Variants in NAALADL2 observed in about 807,000 individuals in gnomAD.
NAALADL2 encodes N-acetylated alpha-linked acidic dipeptidase like 2.
Under a neutral mutation model 87.2 loss-of-function variants are expected in NAALADL2, and 76 were observed. The observed-to-expected ratio is 0.87, with a 90% confidence interval of 0.72 to 1.05. The LOEUF is 1.05. NAALADL2 is among the 50% of genes least tolerant of loss of function. The pLI is 0.00. For synonymous variants in NAALADL2, 354 were observed against 331.0 expected (o/e 1.07, Z -0.75); for missense variants, 1,089 against 945.8 (o/e 1.15, Z -1.99).
intron 1 of NAALADL2, among the ~76,000 whole-genome samples, chr3:174,865,339 C>G (rs1283762400): frequency 6.6e-6 from 1 of 151,910 alleles, no homozygotes; most frequent in Non-Finnish European, 1.5e-5. Flanking sequence ...TCAACTTTAC[C>G]GTGTGACTTG....
At chr3:175,601,699 G>A (rs552826542) in intron 10 of NAALADL2, among the ~76,000 whole-genome samples, 1 of 152,256 alleles carries the variant, frequency 6.6e-6, no homozygotes, top group South Asian at 2.1e-4. Flanking sequence ...CACCCACACA[G>A]TAGCTGACCC....
intron 2 of NAALADL2, among the ~76,000 whole-genome samples, chr3:174,696,520 ATTACC>A (rs1374037894): frequency 1.3e-5 from 2 of 149,866 alleles, no homozygotes; most frequent in Non-Finnish European, 3.0e-5. Context: ...TCATTTATTA[ATTACC>A]TTACCTTTTT....
At chr3:175,001,967 C>T (rs965299621) in intron 1 of NAALADL2, among the ~76,000 whole-genome samples, 3 of 152,114 alleles carry the variant, frequency 2.0e-5, no homozygotes, top group Non-Finnish European at 4.4e-5. Context: ...CCTTCAGCTA[C>T]AATGTATCTT....
intron 5 of NAALADL2, among the ~76,000 whole-genome samples, chr3:175,430,128 A>T (rs1309851493): frequency 6.6e-6 from 1 of 151,892 alleles, no homozygotes; most frequent in African/African-American, 2.4e-5. Flanking sequence ...AAAGAGAAAC[A>T]GTGATTATTA....
At chr3:175,090,311 T>C (rs1381301043) in intron 1 of NAALADL2, among the ~76,000 whole-genome samples, 1 of 152,008 alleles carries the variant, frequency 6.6e-6, no homozygotes, top group Non-Finnish European at 1.5e-5. Flanking sequence ...TAAAATTTAT[T>C]GCTTTGGTTC....
chr3:175,176,927 T>G (rs1406446665), intron 2 of NAALADL2, among the ~76,000 whole-genome samples: 3 of 152,084 alleles, frequency 2.0e-5, no homozygotes, highest in Non-Finnish European at 4.4e-5. Flanking sequence ...TTTAAACCAC[T>G]AAATCTGTGG....
intron 5 of NAALADL2, among the ~76,000 whole-genome samples, chr3:175,331,261 A>G (rs796463462): frequency 1.3e-5 from 2 of 152,178 alleles, no homozygotes; most frequent in Admixed American, 1.3e-4. Flanking sequence ...AACTAGTGCA[A>G]AAAATTGAAG....
chr3:175,634,052 A>T lies in NAALADL2; in HGVS notation c.1896+6666A>T, dbSNP rs190300828. On this transcript the variant is annotated intron_variant, in intron 11 of 13. Coordinates refer to ENST00000454872, the MANE Select transcript of NAALADL2 (RefSeq NM_207015.3). ...ATCAAGGTAATTTTTATAGAGTTTAAATTCTAGCAATAGAGTTATATTTTC... is the reference window on the plus strand; with the variant it reads ...ATCAAGGTAATTTTTATAGAGTTTATATTCTAGCAATAGAGTTATATTTTC... 3.0e-3 allele frequency among the ~76,000 whole-genome samples: 462 copies of T among 151,996 alleles called. 1 individual carries two copies. The highest frequency in any genetic ancestry group is 6.8e-3 in the Middle Eastern group (2 of 294).
At chr3:174,990,868 G>A (rs924080076) in intron 1 of NAALADL2, among the ~76,000 whole-genome samples, 5 of 152,056 alleles carry the variant, frequency 3.3e-5, no homozygotes, top group Non-Finnish European at 7.4e-5. Flanking sequence ...CTCTCTACAA[G>A]TGAATCTATT....
intron 1 of NAALADL2, among the ~76,000 whole-genome samples, chr3:175,028,477 C>T (rs543285879): frequency 6.6e-6 from 1 of 152,186 alleles, no homozygotes; most frequent in East Asian, 1.9e-4. Flanking sequence ...TAATTTTTCT[C>T]ATGGCCAGAG....
At chr3:175,121,818 T>C (rs1455607098) in intron 2 of NAALADL2, among the ~76,000 whole-genome samples, 2 of 151,788 alleles carry the variant, frequency 1.3e-5, no homozygotes, top group Non-Finnish European at 2.9e-5. Context: ...TTGATGTAAC[T>C]AAAATGCATT....
intron 2 of NAALADL2, among the ~76,000 whole-genome samples, chr3:174,551,782 A>T (rs1387437080): frequency 6.6e-6 from 1 of 152,222 alleles, no homozygotes; most frequent in African/African-American, 2.4e-5. Context: ...TTTCCATTTA[A>T]TATAACAGGA....
At chr3:175,718,502 G>A in intron 11 of NAALADL2, 1 of 1,589,388 alleles carries the variant, frequency 6.3e-7, no homozygotes, top group Non-Finnish European at 8.6e-7. Flanking sequence ...AATTGTTCTT[G>A]GAGGCCCAAT....
intron 1 of NAALADL2, among the ~76,000 whole-genome samples, chr3:174,450,035 A>G (rs927777430): frequency 6.6e-6 from 1 of 152,054 alleles, no homozygotes; most frequent in East Asian, 1.9e-4. Context: ...ACACACACAC[A>G]CACACACACA....
intron 2 of NAALADL2, among the ~76,000 whole-genome samples, chr3:175,150,412 AT>A (rs533667117): frequency 6.6e-6 from 1 of 151,564 alleles, no homozygotes; most frequent in Admixed American, 6.6e-5. Flanking sequence ...CCCCTTTTCC[AT>A]TTTTTTCTGT....
intron 6 of NAALADL2, among the ~76,000 whole-genome samples, chr3:175,459,628 G>T (rs1040293639): frequency 2.6e-5 from 4 of 152,000 alleles, no homozygotes; most frequent in Admixed American, 1.3e-4. Context: ...AATTCTAAAA[G>T]TTTCTACAGT....
At chr3:175,584,907 C>T (rs1720322578) in intron 10 of NAALADL2, among the ~76,000 whole-genome samples, 1 of 152,094 alleles carries the variant, frequency 6.6e-6, no homozygotes, top group Non-Finnish European at 1.5e-5. Context: ...TTTCTGTGCA[C>T]TATTAAAGAC....
chr3:174,751,049 T>A (rs1734771224), intron 3 of NAALADL2, among the ~76,000 whole-genome samples: 1 of 152,160 alleles, frequency 6.6e-6, no homozygotes, highest in African/African-American at 2.4e-5. Flanking sequence ...TATATAATTT[T>A]TAAATCTTAT....
At chr3:175,319,630 G>A (rs117319642) in intron 4 of NAALADL2, among the ~76,000 whole-genome samples, 1,702 of 152,108 alleles carry the variant, frequency 0.011, 55 homozygotes, top group East Asian at 0.087. Context: ...GACCAGCTTG[G>A]CCAACAAGGT....
Sources: gnomAD v4.1 joint callset for allele counts (sites outside exome capture counted in the v4.1 genomes callset) on GRCh38, gnomAD v4.1.1 for gene constraint, MANE v1.5 for transcripts, NCBI Gene and HGNC (gene_info 2026-07-23, HGNC 2026-07-21) for gene names.